The following HNRNPC variants were observed in gnomAD, a reference collection of about 807,000 sequenced individuals.
HNRNPC encodes the protein heterogeneous nuclear ribonucleoprotein C.
HNRNPC carries 3 observed loss-of-function variants against 33.2 expected under a neutral mutation model. The observed-to-expected ratio is 0.09, with a 90% confidence interval of 0.04 to 0.23. The LOEUF is 0.23. Ranked by LOEUF, HNRNPC falls within the 10% of genes least tolerant of loss-of-function variation. The pLI, the probability that HNRNPC is intolerant of heterozygous loss-of-function variation, is 1.00. For synonymous variants in HNRNPC, 121 were observed against 126.7 expected, an observed-to-expected ratio of 0.96 and a Z score of 0.30; for missense variants, 143 against 366.7, an observed-to-expected ratio of 0.39 and a Z score of 4.98.
At chr14:21,225,171 A>G (rs1411144603) in intron 5 of HNRNPC, among the ~76,000 whole-genome samples, 2 of 152,038 alleles carry the variant, frequency 1.3e-5, no homozygotes, top group East Asian at 3.9e-4. Flanking sequence ...CTGTAATCCC[A>G]GCACTTTGGG....
intron 2 of HNRNPC, among the ~76,000 whole-genome samples, chr14:21,260,199 CAAAA>C (rs539169114): frequency 1.1e-5 from 1 of 94,976 alleles, no homozygotes; most frequent in Admixed American, 1.1e-4. Flanking sequence ...GACTCCATCT[CAAAA>C]AAAAAAAAAA....
intron 2 of HNRNPC, among the ~76,000 whole-genome samples, chr14:21,242,573 G>A (rs528832515): frequency 2.6e-5 from 4 of 152,288 alleles, no homozygotes; most frequent in East Asian, 1.9e-4. Flanking sequence ...GTCGATGTAT[G>A]CTAAAAGCGC....
intron 2 of HNRNPC, among the ~76,000 whole-genome samples, chr14:21,245,675 G>T (rs188776072): frequency 1.1e-3 from 167 of 152,166 alleles, no homozygotes; most frequent in African/African-American, 3.8e-3. Context: ...TAAGGCTACA[G>T]TAAGTTTGTA....
intron 5 of HNRNPC, among the ~76,000 whole-genome samples, chr14:21,228,977 T>C (rs550187119): frequency 6.6e-4 from 98 of 149,150 alleles, no homozygotes; most frequent in Non-Finnish European, 1.1e-3. Context: ...CCCAGCTACT[T>C]GGGAGGCTGA....
intron 5 of HNRNPC, among the ~76,000 whole-genome samples, chr14:21,225,450 A>C (rs80148377): frequency 6.6e-6 from 1 of 151,824 alleles, no homozygotes; most frequent in Non-Finnish European, 1.5e-5. Context: ...GAAAAAAAAA[A>C]ACAGAGAGAG....
chr14:21,228,721 T>C (rs114937503), intron 5 of HNRNPC, among the ~76,000 whole-genome samples: 1,729 of 151,910 alleles, frequency 0.011, 12 homozygotes, highest in Middle Eastern at 0.037. Flanking sequence ...TTTCAAAAAT[T>C]TCAACAAAAA....
At chr14:21,222,428 A>G (rs1892930958) in intron 5 of HNRNPC, among the ~76,000 whole-genome samples, 1 of 151,654 alleles carries the variant, frequency 6.6e-6, no homozygotes, top group Admixed American at 6.5e-5. Context: ...GCATTCATAT[A>G]AATGGAATCG....
intron 1 of HNRNPC, among the ~76,000 whole-genome samples, chr14:21,266,143 T>TC (rs1359326736): frequency 6.6e-6 from 1 of 152,192 alleles, no homozygotes; most frequent in East Asian, 1.9e-4. Context: ...TCTCACTCTG[T>TC]CGCCCAGGCT....
intron 1 of HNRNPC, among the ~76,000 whole-genome samples, chr14:21,266,227 C>T (rs908932333): frequency 2.0e-5 from 3 of 152,142 alleles, no homozygotes; most frequent in Non-Finnish European, 2.9e-5. Flanking sequence ...CTCAGCCTCC[C>T]GAGTAGCTGG....
chr14:21,241,334 T>C (rs1029102787), intron 2 of HNRNPC, among the ~76,000 whole-genome samples: 1 of 150,518 alleles, frequency 6.6e-6, no homozygotes, highest in Non-Finnish European at 1.5e-5. Flanking sequence ...TCAAATTAAA[T>C]GCCAATTCTA....
chr14:21,252,330 G>A (rs915263268), intron 2 of HNRNPC, among the ~76,000 whole-genome samples: 1 of 152,130 alleles, frequency 6.6e-6, no homozygotes, highest in Non-Finnish European at 1.5e-5. Context: ...TGTTGTTTTT[G>A]TTTTAAGTCT....
At chr14:21,225,013 T>G (rs534554474) in intron 5 of HNRNPC, among the ~76,000 whole-genome samples, 1 of 152,132 alleles carries the variant, frequency 6.6e-6, no homozygotes, top group African/African-American at 2.4e-5. Flanking sequence ...ACTAAACCAG[T>G]CTTTTTGAAC....
At chr14:21,241,032 A>G (rs1380560057) in intron 2 of HNRNPC, among the ~76,000 whole-genome samples, 1 of 152,142 alleles carries the variant, frequency 6.6e-6, no homozygotes, top group Admixed American at 6.6e-5. Context: ...GCACTCTGGG[A>G]GGCCGAGGTG....
chr14:21,235,692 G>A (rs1481649501), intron 2 of HNRNPC, among the ~76,000 whole-genome samples: 3 of 152,104 alleles, frequency 2.0e-5, no homozygotes, highest in Non-Finnish European at 4.4e-5. Context: ...CTAAAAAGAG[G>A]AATTAAAACA....
chr14:21,259,275 T>C (rs1315140396), intron 2 of HNRNPC, among the ~76,000 whole-genome samples: 1 of 152,116 alleles, frequency 6.6e-6, no homozygotes, highest in African/African-American at 2.4e-5. Flanking sequence ...CCAAATTCCA[T>C]GTTCTAATTT....
At chr14:21,216,899 G>T (rs558214282) in intron 5 of HNRNPC, among the ~76,000 whole-genome samples, 1 of 152,100 alleles carries the variant, frequency 6.6e-6, no homozygotes, top group Non-Finnish European at 1.5e-5. Context: ...AATTGTGACC[G>T]AAAACAATAA....
In HNRNPC at chr14:21,231,035, T is replaced by G. The variant is rs1894054367; in HGVS notation, c.279A>C (p.Gly93=). 5.6e-6 allele frequency: 9 copies of G among 1,614,244 alleles called. No individual in the cohort carries two copies. The highest frequency in any genetic ancestry group is 6.8e-6 in the Non-Finnish European group (8 of 1,180,046). Residue 93 remains glycine, a synonymous_variant, in exon 4 of 9, where the codon GGA becomes GGC. Coordinates refer to ENST00000553300, the MANE Select transcript of HNRNPC (RefSeq NM_004500.4). ...NLAAEPKVNR[G]KAGVKRSAAE... is the part of the protein sequence containing the mutation. ...CTGCAGATCGTTTCACACCTGCTTT[T>G]CCTCGGTTCACTTTTGGCTCTGCAG...
In HNRNPC at chr14:21,210,591, T is replaced by C. The variant is rs1315795624; in HGVS notation, c.*632A>G. The stretch of plus-strand genomic sequence containing the variant: ...CTGGTTTAATAAGGACTTGTTTATT[T>C]TGAGGAAAAAAGGTCCCAAACATCA... On this transcript the variant is annotated 3_prime_UTR_variant, in exon 9 of 9. Coordinates refer to ENST00000553300, the MANE Select transcript of HNRNPC (RefSeq NM_004500.4). The C allele has an allele frequency of 6.6e-6, 1 of 152,466 alleles. No individual in the cohort carries two copies. The highest frequency in any genetic ancestry group is 1.5e-5 in the Non-Finnish European group (1 of 67,998). 9.4% of individuals were successfully genotyped at this position (152,466 alleles called of 1,614,324 possible). A position where few individuals can be genotyped will look rare whatever the true frequency, so the allele number is the denominator to read the frequency against.
intron 5 of HNRNPC, among the ~76,000 whole-genome samples, chr14:21,216,448 C>CT (rs998777368): frequency 1.9e-4 from 29 of 152,274 alleles, no homozygotes; most frequent in African/African-American, 7.0e-4. Flanking sequence ...TGGCTCACAC[C>CT]TGTAATCCCA....
Sources: gnomAD v4.1 joint callset for allele counts (sites outside exome capture counted in the v4.1 genomes callset) on GRCh38, gnomAD v4.1.1 for gene constraint, MANE v1.5 for transcripts, NCBI Gene and HGNC (gene_info 2026-07-23, HGNC 2026-07-21) for gene names.